Variants in NUDT4 observed in about 807,000 individuals in gnomAD.
The protein encoded by NUDT4 is nudix hydrolase 4, also known as diphosphoinositol polyphosphate phosphohydrolase 2.
A neutral mutation model predicts 23.1 loss-of-function variants in NUDT4; 5 were observed. That is an observed-to-expected ratio of 0.22 (90% confidence interval 0.11 to 0.46). NUDT4 has a LOEUF of 0.46. NUDT4 is among the 20% of genes least tolerant of loss of function. The pLI, the probability that NUDT4 is intolerant of heterozygous loss-of-function variation, is 0.99. For missense variants in NUDT4, 96 were observed against 211.6 expected, an observed-to-expected ratio of 0.45 and a Z score of 3.39; for synonymous variants, 50 against 79.0, an observed-to-expected ratio of 0.63 and a Z score of 1.95.
At chr12:93,397,670 A>G (rs1190136947) in intron 3 of NUDT4, among the ~76,000 whole-genome samples, 2 of 152,136 alleles carry the variant, frequency 1.3e-5, no homozygotes, top group Non-Finnish European at 2.9e-5. Flanking sequence ...AATTACAGGC[A>G]TACAACCACG....
At chr12:93,387,634 A>G (rs1022019031) in intron 1 of NUDT4, among the ~76,000 whole-genome samples, 1 of 152,190 alleles carries the variant, frequency 6.6e-6, no homozygotes, top group Admixed American at 6.5e-5. Flanking sequence ...CTGCCTAATT[A>G]AAATATAAAC....
intron 1 of NUDT4, 59 bp downstream of exon 1, chr12:93,378,480 C>G: frequency 4.9e-6 from 7 of 1,440,742 alleles, no homozygotes; most frequent in African/African-American, 1.5e-5. Flanking sequence ...GGCCCGGGTG[C>G]TTCCCCTCGC....
chr12:93,397,130 A>G (rs1449907538), intron 3 of NUDT4, among the ~76,000 whole-genome samples: 3 of 152,322 alleles, frequency 2.0e-5, no homozygotes, highest in African/African-American at 7.2e-5. Flanking sequence ...ATCAAAAAAT[A>G]CCTTTCCCCT....
At chr12:93,394,585 A>G (rs1210371343) in intron 1 of NUDT4, 24 bp from the exon 2 acceptor site, 4 of 1,386,454 alleles carry the variant, frequency 2.9e-6, no homozygotes, top group African/African-American at 2.9e-5. Flanking sequence ...GGCTGGAAGT[A>G]TACAGTTATG....
intron 1 of NUDT4, among the ~76,000 whole-genome samples, chr12:93,393,959 T>A (rs181592362): frequency 2.0e-5 from 3 of 152,242 alleles, no homozygotes; most frequent in African/African-American, 7.2e-5. Flanking sequence ...AATAAACTTA[T>A]GTGACCATAG....
chr12:93,382,512 A>G (rs1875742260), intron 1 of NUDT4, among the ~76,000 whole-genome samples: 4 of 152,156 alleles, frequency 2.6e-5, no homozygotes, highest in Admixed American at 2.6e-4. Context: ...AAATATTACT[A>G]GAGTTAAATC....
At chr12:93,387,296 C>A (rs1279879832) in intron 1 of NUDT4, among the ~76,000 whole-genome samples, 1 of 152,032 alleles carries the variant, frequency 6.6e-6, no homozygotes, top group East Asian at 1.9e-4. Context: ...TTTAGTAGTT[C>A]CATAAAAATG....
At chr12:93,391,732 GTCTTAGTTATCATCATCATC>G (rs1268676181) in intron 1 of NUDT4, among the ~76,000 whole-genome samples, 3 of 152,054 alleles carry the variant, frequency 2.0e-5, no homozygotes, top group Non-Finnish European at 2.9e-5. Context: ...GTGAGACCCT[GTCTTAGTTATCATCATCATC>G]TCTATGCACA....
chr12:93,398,752 T>C lies in NUDT4; in HGVS notation c.256-19T>C. 2 of 1,558,094 alleles carry C rather than the reference T, an allele frequency of 1.3e-6. No homozygotes were observed. The highest frequency in any genetic ancestry group is 1.8e-6 in the Non-Finnish European group (2 of 1,136,808). ...TAGCTCCTGTAGATTAAAATGCATT[T>C]CTTTTTATATTCAAGCAGAACCAAG... On this transcript the variant is annotated intron_variant, in intron 3 of 4. Transcript: ENST00000415493.
At chr12:93,382,834 T>C (rs1565775475) in intron 1 of NUDT4, among the ~76,000 whole-genome samples, 1 of 152,126 alleles carries the variant, frequency 6.6e-6, no homozygotes, top group East Asian at 1.9e-4. Flanking sequence ...GCTAATTTTT[T>C]GTATTTTTAG....
intron 1 of NUDT4, among the ~76,000 whole-genome samples, chr12:93,392,243 T>TTCCCCC (rs1491364107): frequency 8.4e-6 from 1 of 118,386 alleles, no homozygotes; most frequent in Non-Finnish European, 1.7e-5. Context: ...TTCCTTTGTT[T>TTCCCCC]CCCCCCCCCC....
chr12:93,392,803 C>T (rs1401222598), intron 1 of NUDT4, among the ~76,000 whole-genome samples: 3 of 127,790 alleles, frequency 2.3e-5, no homozygotes, highest in Admixed American at 8.3e-5. Flanking sequence ...CTCAGTCTCC[C>T]GATTAGCTGG....
intron 1 of NUDT4, 146 bp downstream of exon 1, chr12:93,378,567 TTTCCTCCCTCACTTCTTCC>T (rs1875381860): frequency 7.7e-7 from 1 of 1,302,162 alleles, no homozygotes; most frequent in African/African-American, 1.6e-5. Context: ...CCCTCACTCC[TTTCCTCCCTCACTTCTTCC>T]TTCCTTTCTC....
intron 1 of NUDT4, among the ~76,000 whole-genome samples, chr12:93,388,354 CTG>C (rs1592719254): frequency 1.3e-5 from 2 of 152,204 alleles, no homozygotes; most frequent in Non-Finnish European, 2.9e-5. Context: ...TTCTATGTGA[CTG>C]TATTCCAACC....
At position 93,402,502 on chromosome 12, in the gene NUDT4, G is replaced by A. The variant is rs558695167; in HGVS notation, c.*3123G>A. ...GTGAAAGCCTGTCGGGAATTCCACA[G>A]TAACACCTTTACTGTTCTCCCATTG... On this transcript the variant is annotated 3_prime_UTR_variant, in exon 5 of 5. Coordinates refer to ENST00000415493, the MANE Select transcript of NUDT4 (RefSeq NM_019094.6). The A allele has an allele frequency of 5.3e-5, 8 of 152,322 alleles. No individual in the cohort carries two copies. The highest frequency in any genetic ancestry group is 2.6e-4 in the Admixed American group (4 of 15,302). The allele number at this position is 152,322 out of a possible 1,614,324, so 9.4% of individuals were successfully genotyped here.
At chr12:93,398,329 TC>T (rs1359956664) in intron 3 of NUDT4, among the ~76,000 whole-genome samples, 2 of 91,702 alleles carry the variant, frequency 2.2e-5, no homozygotes, top group African/African-American at 8.8e-5. Context: ...AAAGCGAGAC[TC>T]CCTGTCTCAA....
intron 1 of NUDT4, among the ~76,000 whole-genome samples, chr12:93,383,878 A>G (rs182149696): frequency 2.6e-5 from 4 of 152,298 alleles, no homozygotes; most frequent in African/African-American, 9.6e-5. Flanking sequence ...TACAATTTTC[A>G]TAATAAACCT....
chr12:93,388,676 G>T lies in NUDT4; in HGVS notation c.100-5933G>T, dbSNP rs75151373. On this transcript the variant is annotated intron_variant, in intron 1 of 4. Transcript: ENST00000415493. ...ATTTTCATGATTCTGATTTTCTTTC[G>T]AAAAGCATTTTAAAGTGGTAAGGTT... Among the ~76,000 whole-genome samples, 306 of 152,154 alleles carry T rather than the reference G, an allele frequency of 2.0e-3. 4 individuals are homozygous for T. Among genetic ancestry groups the T allele is most frequent in the African/African-American group, 7.3e-3 (302 of 41,514 alleles).
intron 1 of NUDT4, among the ~76,000 whole-genome samples, chr12:93,382,663 C>CCAAAGGTA (rs1875756445): frequency 7.4e-6 from 1 of 135,492 alleles, no homozygotes; most frequent in African/African-American, 2.7e-5. Flanking sequence ...TAAGTACTAT[C>CCAAAGGTA]CAAAGGTAGC....
Sources: gnomAD v4.1 joint callset for allele counts (sites outside exome capture counted in the v4.1 genomes callset) on GRCh38, gnomAD v4.1.1 for gene constraint, MANE v1.5 for transcripts, NCBI Gene and HGNC (gene_info 2026-07-23, HGNC 2026-07-21) for gene names.